NHSL1: variants seen among roughly 807,000 people sequenced by gnomAD.
NHSL1 encodes the protein NHS-like protein 1.
A neutral mutation model predicts 95.0 loss-of-function variants in NHSL1; 48 were observed. The ratio of observed to expected loss-of-function variants is 0.51; its 90% CI spans 0.40 to 0.64. The LOEUF (loss-of-function observed/expected upper bound fraction) is 0.64, where lower values mean the gene tolerates loss of function less well. NHSL1 is among the 30% of genes least tolerant of loss of function. The pLI is 0.00. For missense variants in NHSL1, 1,971 were observed against 2,077.7 expected (o/e 0.95, Z 1.00); for synonymous variants, 783 against 833.9 (o/e 0.94, Z 1.05).
At chr6:138,667,569 G>A (rs1785311650) in intron 1 of NHSL1, among the ~76,000 whole-genome samples, 1 of 152,170 alleles carries the variant, frequency 6.6e-6, no homozygotes, top group Non-Finnish European at 1.5e-5. Flanking sequence ...TTCTAAAGAG[G>A]AAAAGAAAAG....
upstream of NHSL1, among the ~76,000 whole-genome samples, chr6:138,504,280 C>T (rs1780845121): frequency 6.6e-6 from 1 of 152,108 alleles, no homozygotes; most frequent in Non-Finnish European, 1.5e-5. Context: ...AACGTATTCG[C>T]TGCCTTGTGT....
At chr6:138,656,681 T>C (rs1471632435) in intron 1 of NHSL1, among the ~76,000 whole-genome samples, 1 of 152,190 alleles carries the variant, frequency 6.6e-6, no homozygotes, top group Non-Finnish European at 1.5e-5. Context: ...ACATAAGTTT[T>C]CTTTGTGGTT....
At chr6:138,478,004 TTA>T (rs1423779502) in intron 2 of NHSL1, among the ~76,000 whole-genome samples, 1 of 148,266 alleles carries the variant, frequency 6.7e-6, no homozygotes, top group African/African-American at 2.5e-5. Flanking sequence ...ACCATGAAAT[TTA>T]TGTCACTTTT....
chr6:138,631,204 G>A (rs142603781), intron 1 of NHSL1, among the ~76,000 whole-genome samples: 2 of 152,266 alleles, frequency 1.3e-5, no homozygotes, highest in East Asian at 3.9e-4. Flanking sequence ...CGATTCCAGC[G>A]GTCAGATCTT....
chr6:138,437,345 C>CATAT lies in NHSL1; in HGVS notation c.665-3669_665-3666dup, dbSNP rs369191897. Among the ~76,000 whole-genome samples, 144 of 96,388 alleles carry CATAT rather than the reference C, an allele frequency of 1.5e-3. 2 individuals carry two copies. The highest frequency in any genetic ancestry group is 1.7e-3 in the Non-Finnish European group (89 of 51,264). 63.2% of individuals were successfully genotyped at this position (96,388 alleles called of 152,430 possible). On this transcript the variant is annotated intron_variant, in intron 5 of 7. Coordinates refer to ENST00000343505, the MANE Select transcript of NHSL1 (RefSeq NM_001144060.2). ...ACACACACACATATATATATATACA[C>CATAT]ATATATATATACACATATATATATA...
intron 1 of NHSL1, among the ~76,000 whole-genome samples, chr6:138,508,973 C>T (rs1427097149): frequency 6.6e-6 from 1 of 152,148 alleles, no homozygotes; most frequent in Non-Finnish European, 1.5e-5. Context: ...TTCTCAAAGG[C>T]TATACTAGGT....
intron 1 of NHSL1, chr6:138,651,033 G>C: frequency 2.5e-6 from 1 of 407,224 alleles, no homozygotes; most frequent in South Asian, 1.9e-5. Flanking sequence ...TCGTAACAAA[G>C]TTCTTCTAAA....
chr6:138,528,797 G>A (rs1350905995), intron 1 of NHSL1, among the ~76,000 whole-genome samples: 4 of 152,128 alleles, frequency 2.6e-5, no homozygotes, highest in African/African-American at 9.7e-5. Flanking sequence ...TAGAATTGCA[G>A]TAAGAGAATA....
intron 4 of NHSL1, among the ~76,000 whole-genome samples, 161 bp from the exon 5 acceptor site, chr6:138,442,275 A>G (rs1174961314): frequency 2.0e-5 from 3 of 152,242 alleles, no homozygotes; most frequent in African/African-American, 7.2e-5. Flanking sequence ...GAAGAAAAGC[A>G]CATTATCACA....
intron 1 of NHSL1, among the ~76,000 whole-genome samples, chr6:138,648,352 G>GA (rs58429767): frequency 0.39 from 51,855 of 133,728 alleles, 9,856 homozygotes; most frequent in African/African-American, 0.51. Flanking sequence ...TACGGACACT[G>GA]AAAAAAAAAA....
chr6:138,435,892 G>A (rs373443585), intron 5 of NHSL1, among the ~76,000 whole-genome samples: 37 of 151,912 alleles, frequency 2.4e-4, no homozygotes, highest in Admixed American at 7.2e-4. Context: ...GATCTGTTAC[G>A]GTGATCTGTG....
At chr6:138,584,187 T>C (rs1275085085) in intron 1 of NHSL1, among the ~76,000 whole-genome samples, 1 of 152,206 alleles carries the variant, frequency 6.6e-6, no homozygotes, top group Non-Finnish European at 1.5e-5. Flanking sequence ...AACCATAGAC[T>C]TGGTATCTCT....
At chr6:138,659,924 C>T (rs150001099) in intron 1 of NHSL1, among the ~76,000 whole-genome samples, 1 of 152,268 alleles carries the variant, frequency 6.6e-6, no homozygotes, top group Non-Finnish European at 1.5e-5. Context: ...CCCTGTTGGC[C>T]AGGCTGGTCT....
intron 1 of NHSL1, among the ~76,000 whole-genome samples, chr6:138,646,991 T>C (rs1785028541): frequency 6.6e-6 from 1 of 152,208 alleles, no homozygotes; most frequent in Admixed American, 6.5e-5. Context: ...TCTTCATGTG[T>C]CAAAATTGTG....
upstream of NHSL1, among the ~76,000 whole-genome samples, chr6:138,546,522 T>C (rs1385703664): frequency 6.7e-6 from 1 of 149,706 alleles, no homozygotes; most frequent in Non-Finnish European, 1.5e-5. Flanking sequence ...GGAGGGAGGA[T>C]TGTTTGAGAC....
At chr6:138,690,049 A>G (rs892602774) in intron 1 of NHSL1, among the ~76,000 whole-genome samples, 1 of 152,226 alleles carries the variant, frequency 6.6e-6, no homozygotes, top group African/African-American at 2.4e-5. Flanking sequence ...CCACAGCCTA[A>G]CCTGGGGTGA....
chr6:138,609,708 C>G (rs969207889), intron 1 of NHSL1, among the ~76,000 whole-genome samples: 32 of 146,560 alleles, frequency 2.2e-4, no homozygotes, highest in African/African-American at 7.7e-4. Context: ...CGAGATTGCA[C>G]CACTGCACTC....
intron 1 of NHSL1, among the ~76,000 whole-genome samples, chr6:138,562,379 G>A (rs948888938): frequency 6.6e-5 from 10 of 152,258 alleles, no homozygotes; most frequent in East Asian, 1.9e-4. Context: ...AGGTGTGATC[G>A]CTCATGCCTG....
chr6:138,477,434 T>C (rs1779145005), intron 2 of NHSL1, among the ~76,000 whole-genome samples: 3 of 152,138 alleles, frequency 2.0e-5, no homozygotes, highest in Admixed American at 2.0e-4. Context: ...ACCGCATTTC[T>C]AGAAAAAAAT....
Sources: allele counts gnomAD v4.1 joint callset (sites outside exome capture counted in the v4.1 genomes callset), GRCh38; gene constraint gnomAD v4.1.1; transcripts MANE v1.5; gene names NCBI Gene and HGNC (gene_info 2026-07-23, HGNC 2026-07-21).